OSBPL6: variants seen among roughly 807,000 people sequenced by gnomAD.
The protein encoded by OSBPL6 is oxysterol-binding protein-related protein 6.
A neutral mutation model predicts 125.8 loss-of-function variants in OSBPL6; 49 were observed. The observed-to-expected ratio is 0.39, with a 90% CI of 0.31 to 0.49. The LOEUF (loss-of-function observed/expected upper bound fraction) is 0.49, where lower values mean the gene tolerates loss of function less well. Ranked by LOEUF, OSBPL6 falls within the 20% of genes least tolerant of loss-of-function variation. OSBPL6 has a pLI of 0.88. For synonymous variants in OSBPL6, 394 were observed against 391.8 expected (o/e 1.01, Z -0.07); for missense variants, 986 against 1,135.4 (o/e 0.87, Z 1.89).
intron 5 of OSBPL6, 42 bp from the exon 6 acceptor site, chr2:178,331,510 T>A (rs780089712): frequency 6.2e-7 from 1 of 1,606,922 alleles, no homozygotes. Flanking sequence ...TTTTATGTAA[T>A]TCAAAATACA....
chr2:178,301,730 C>T (rs947524110), intron 2 of OSBPL6, among the ~76,000 whole-genome samples: 5 of 152,142 alleles, frequency 3.3e-5, no homozygotes, highest in African/African-American at 1.2e-4. Context: ...CGTGAGTGAG[C>T]TAACCTGTAC....
intron 19 of OSBPL6, among the ~76,000 whole-genome samples, chr2:178,386,025 C>G (rs953844312): frequency 2.0e-5 from 3 of 152,266 alleles, no homozygotes; most frequent in Admixed American, 1.3e-4. Flanking sequence ...ATGTTACAAG[C>G]TTGCCTAATA....
rs1172694505 is a variant in OSBPL6 at position 178,247,999 on chromosome 2, T to A, written c.-350-36928T>A. On this transcript the variant is annotated intron_variant, in intron 1 of 24. Transcript: ENST00000190611. ...ACTTGCCCTCTTCTTGATTATGTGG[T>A]CTTTTGGGAAGGATGTATAAAGAGT... is the stretch of plus-strand genomic sequence containing the variant. Among the ~76,000 whole-genome samples, 4 of 152,208 alleles carry A rather than the reference T, an allele frequency of 2.6e-5. 1 individual carries two copies. The highest frequency in any genetic ancestry group is 6.3e-3 in the Middle Eastern group (2 of 316).
chr2:178,377,302 T>C (rs142382237), intron 15 of OSBPL6, among the ~76,000 whole-genome samples: 20 of 152,322 alleles, frequency 1.3e-4, no homozygotes, highest in African/African-American at 4.3e-4. Context: ...TGGGAGTTGC[T>C]ACACACTTTT....
At chr2:178,232,667 A>T (rs187013109) in intron 1 of OSBPL6, among the ~76,000 whole-genome samples, 39 of 152,198 alleles carry the variant, frequency 2.6e-4, no homozygotes, top group African/African-American at 9.2e-4. Context: ...TTTAAGTAAC[A>T]TGTTACATTT....
chr2:178,226,231 T>A (rs1007631419), intron 1 of OSBPL6, among the ~76,000 whole-genome samples: 1 of 152,160 alleles, frequency 6.6e-6, no homozygotes, highest in Admixed American at 6.5e-5. Flanking sequence ...TGCTGGTGGC[T>A]CCTGTGAGCC....
At chr2:178,393,967 C>T (rs1034963915) in intron 23 of OSBPL6, among the ~76,000 whole-genome samples, 7 of 152,204 alleles carry the variant, frequency 4.6e-5, no homozygotes, top group African/African-American at 1.4e-4. Context: ...TATGACTTCA[C>T]GCTCTTCTCA....
chr2:178,211,205 G>A (rs1013719282), intron 1 of OSBPL6, among the ~76,000 whole-genome samples: 7 of 152,166 alleles, frequency 4.6e-5, no homozygotes, highest in Non-Finnish European at 7.4e-5. Context: ...GAGAGTTTGA[G>A]GCTGCAGTTA....
intron 13 of OSBPL6, among the ~76,000 whole-genome samples, chr2:178,370,580 G>A (rs1039547214): frequency 6.6e-5 from 10 of 152,090 alleles, no homozygotes; most frequent in African/African-American, 1.9e-4. Flanking sequence ...ACTTTTTCAG[G>A]ATGAAAAGAT....
At chr2:178,364,912 T>G (rs1313829685) in intron 13 of OSBPL6, among the ~76,000 whole-genome samples, 1 of 152,150 alleles carries the variant, frequency 6.6e-6, no homozygotes, top group African/African-American at 2.4e-5. Flanking sequence ...CCGGGCGCGG[T>G]GGCTCAAAAT....
chr2:178,263,228 C>G (rs1294533944), intron 1 of OSBPL6, among the ~76,000 whole-genome samples: 2 of 152,150 alleles, frequency 1.3e-5, no homozygotes, highest in African/African-American at 4.8e-5. Context: ...CCTGTAATAC[C>G]AACACTTTGG....
At chr2:178,279,563 T>C (rs1276496944) in intron 1 of OSBPL6, among the ~76,000 whole-genome samples, 2 of 152,238 alleles carry the variant, frequency 1.3e-5, no homozygotes, top group Non-Finnish European at 2.9e-5. Flanking sequence ...TCCTTTTTGA[T>C]CTACAGAGGA....
rs545661587 is a variant in OSBPL6, at chr2:178,307,596, A to G, written c.102+1310A>G. On this transcript the variant is annotated intron_variant, in intron 3 of 24. Transcript: ENST00000190611. ...AGTCAAAGAAAGTAAGAGTACCAGG[A>G]ATGGAAGCACTTTTATATTAAATAA... 4.1e-5 allele frequency among the ~76,000 whole-genome samples: 6 copies of G among 145,250 alleles called. 1 individual carries two copies. Among genetic ancestry groups the G allele is most frequent in the African/African-American group, 1.7e-4 (6 of 34,872 alleles).
chr2:178,203,512 CTG>C (rs1360435363), intron 1 of OSBPL6, among the ~76,000 whole-genome samples: 3 of 152,170 alleles, frequency 2.0e-5, no homozygotes, highest in Admixed American at 6.5e-5. Context: ...ATAATTATAA[CTG>C]TTTTTAATAT....
chr2:178,365,903 T>C (rs1559298881), intron 13 of OSBPL6, among the ~76,000 whole-genome samples: 1 of 152,110 alleles, frequency 6.6e-6, no homozygotes, highest in Non-Finnish European at 1.5e-5. Flanking sequence ...GTTTGTTTGT[T>C]TTTTGGAGGC....
intron 18 of OSBPL6, among the ~76,000 whole-genome samples, chr2:178,384,918 TA>T (rs1351310468): frequency 2.0e-5 from 3 of 151,378 alleles, no homozygotes; most frequent in Admixed American, 6.6e-5. Context: ...TTTTTAGGAA[TA>T]AAATGGGAGG....
chr2:178,320,676 T>C (rs1253248760), intron 3 of OSBPL6, among the ~76,000 whole-genome samples: 2 of 152,196 alleles, frequency 1.3e-5, no homozygotes, highest in Non-Finnish European at 2.9e-5. Context: ...AAGGAAGCCT[T>C]ATGAAAAGAA....
At chr2:178,199,131 G>T (rs183323948) in intron 1 of OSBPL6, among the ~76,000 whole-genome samples, 1 of 152,172 alleles carries the variant, frequency 6.6e-6, no homozygotes, top group African/African-American at 2.4e-5. Context: ...AATACTATCT[G>T]GCAGATAGTA....
intron 2 of OSBPL6, among the ~76,000 whole-genome samples, chr2:178,302,520 A>T (rs1686388268): frequency 6.6e-6 from 1 of 152,204 alleles, no homozygotes. Flanking sequence ...ACTTGATTGA[A>T]AATTGGTTGG....
Sources: allele counts gnomAD v4.1 joint callset (sites outside exome capture counted in the v4.1 genomes callset), GRCh38; gene constraint gnomAD v4.1.1; transcripts MANE v1.5; gene names NCBI Gene and HGNC (gene_info 2026-07-23, HGNC 2026-07-21).